Variants in NRXN1 observed in about 807,000 individuals in gnomAD.
NRXN1 encodes neurexin-1.
NRXN1 carries 39 observed loss-of-function variants against 150.9 expected under a neutral mutation model. The ratio of observed to expected loss-of-function variants is 0.26; its 90% CI spans 0.20 to 0.34. The LOEUF is 0.34. Ranked by LOEUF, NRXN1 falls within the 10% of genes least tolerant of loss-of-function variation. The pLI is 1.00. For synonymous variants in NRXN1, 924 were observed against 757.0 expected (o/e 1.22, Z -3.62); for missense variants, 1,815 against 1,949.9 (o/e 0.93, Z 1.30).
intron 2 of NRXN1, among the ~76,000 whole-genome samples, chr2:51,025,188 C>T (rs1243974572): frequency 1.3e-5 from 2 of 152,088 alleles, no homozygotes; most frequent in Non-Finnish European, 2.9e-5. Context: ...TTTTGCACTC[C>T]ATTTTCAGTT....
chr2:50,564,205 T>A (rs529840320), intron 8 of NRXN1, among the ~76,000 whole-genome samples: 4 of 152,342 alleles, frequency 2.6e-5, no homozygotes, highest in African/African-American at 9.6e-5. Flanking sequence ...TTATGAAAAC[T>A]TATTTTGCAA....
chr2:50,426,250 C>A (rs1052857895), intron 17 of NRXN1, among the ~76,000 whole-genome samples: 28 of 152,100 alleles, frequency 1.8e-4, no homozygotes, highest in African/African-American at 6.5e-4. Flanking sequence ...ACCGTGAATG[C>A]CACCAATTGT....
intron 21 of NRXN1, among the ~76,000 whole-genome samples, chr2:49,972,141 G>C (rs982837527): frequency 2.0e-5 from 3 of 152,124 alleles, no homozygotes; most frequent in Non-Finnish European, 4.4e-5. Context: ...GGTTCAACTA[G>C]AATTTTGTAA....
Position 50,053,253 on chromosome 2 carries a change from T to C in NRXN1, c.4128+18A>G, listed in dbSNP as rs941727402. ...ATAATATAGGATGAAAATGAAGGAATAAAATCCACAGGCTCACCTGGCTAA... is the reference window on the plus strand; with the variant it reads ...ATAATATAGGATGAAAATGAAGGAACAAAATCCACAGGCTCACCTGGCTAA... On this transcript the variant is annotated intron_variant, in intron 21 of 22. Transcript: ENST00000401669. 2.5e-6 allele frequency: 4 copies of C among 1,611,852 alleles called. No homozygotes were observed. The highest frequency in any genetic ancestry group is 3.4e-6 in the Non-Finnish European group (4 of 1,178,154).
At chr2:50,555,505 T>C in intron 8 of NRXN1, among the ~76,000 whole-genome samples, 1 of 152,090 alleles carries the variant, frequency 6.6e-6, no homozygotes, top group East Asian at 1.9e-4. Context: ...TAGCCATGCA[T>C]CTCTCATAAA....
chr2:50,015,473 T>A (rs918640992), intron 21 of NRXN1, among the ~76,000 whole-genome samples: 2 of 123,980 alleles, frequency 1.6e-5, no homozygotes, highest in Non-Finnish European at 3.2e-5. Flanking sequence ...TTATAAATGG[T>A]CACAGCCTGT....
chr2:50,294,681 C>T (rs947695472), intron 17 of NRXN1, among the ~76,000 whole-genome samples: 1 of 152,020 alleles, frequency 6.6e-6, no homozygotes, highest in African/African-American at 2.4e-5. Context: ...TTGATCCAAC[C>T]CTGAAGGATG....
At chr2:50,412,250 C>T (rs2104102702) in intron 17 of NRXN1, among the ~76,000 whole-genome samples, 1 of 152,098 alleles carries the variant, frequency 6.6e-6, no homozygotes, top group Admixed American at 6.5e-5. Flanking sequence ...CTTCCCTCCA[C>T]TATTGTCCTA....
intron 5 of NRXN1, among the ~76,000 whole-genome samples, chr2:50,817,776 A>T (rs1363823123): frequency 6.6e-6 from 1 of 152,062 alleles, no homozygotes; most frequent in Non-Finnish European, 1.5e-5. Flanking sequence ...TGCAGGGGGT[A>T]AAAAAGTATT....
In NRXN1 at chr2:50,014,482, A is replaced by G. The variant is rs139396904; in HGVS notation, c.4128+38789T>C. On this transcript the variant is annotated intron_variant, in intron 21 of 22. Coordinates refer to ENST00000401669, the MANE Select transcript of NRXN1 (RefSeq NM_001330078.2). ...ATGGTTAGCAGCATCCTTGACTTCT[A>G]TTCACCAGATGCCAGTAATCACACC... Among the ~76,000 whole-genome samples the G allele has an allele frequency of 3.9e-5, 6 of 152,192 alleles. No homozygotes were observed. In the East Asian group the frequency reaches 7.8e-4, roughly 20 times the overall value.
At position 49,945,977 on chromosome 2, in the gene NRXN1, T is replaced by C. The variant is rs188764172; in HGVS notation, c.4129-2186A>G. On this transcript the variant is annotated intron_variant, in intron 21 of 22. Coordinates refer to ENST00000401669, the MANE Select transcript of NRXN1 (RefSeq NM_001330078.2). ...GGAATCACCACACTGTCTTCCACAA[T>C]GGTTGAACTAATTTACACTCCCACC... Among the ~76,000 whole-genome samples, 763 of 152,288 alleles carry C rather than the reference T, an allele frequency of 5.0e-3. 4 individuals carry two copies. The highest frequency in any genetic ancestry group is 0.018 in the African/African-American group (738 of 41,558).
intron 18 of NRXN1, 96 bp from the exon 19 acceptor site, chr2:50,091,590 G>A: frequency 7.9e-7 from 1 of 1,269,802 alleles, no homozygotes; most frequent in East Asian, 2.4e-5. Flanking sequence ...ATGTGCTTTG[G>A]ACAACAGCTG....
At chr2:50,688,396 C>T (rs779793986) in intron 5 of NRXN1, among the ~76,000 whole-genome samples, 3 of 152,128 alleles carry the variant, frequency 2.0e-5, no homozygotes, top group African/African-American at 2.4e-5. Context: ...CCCTACAGAG[C>T]CCTCCTTATA....
intron 17 of NRXN1, among the ~76,000 whole-genome samples, chr2:50,351,624 T>C (rs2078419467): frequency 6.6e-6 from 1 of 152,136 alleles, no homozygotes; most frequent in Non-Finnish European, 1.5e-5. Context: ...CCCTTTATTA[T>C]GAGGAATGGT....
At chr2:50,075,401 T>C (rs1177231869) in intron 19 of NRXN1, among the ~76,000 whole-genome samples, 1 of 152,200 alleles carries the variant, frequency 6.6e-6, no homozygotes, top group African/African-American at 2.4e-5. Context: ...GGCCCAATTG[T>C]GTAAAAAGCC....
chr2:50,394,220 T>C (rs1381323304), intron 17 of NRXN1, among the ~76,000 whole-genome samples: 1 of 152,092 alleles, frequency 6.6e-6, no homozygotes, highest in African/African-American at 2.4e-5. Flanking sequence ...CTATATGTGA[T>C]GATGCTTATG....
At chr2:50,094,125 T>C (rs779916382) in intron 18 of NRXN1, among the ~76,000 whole-genome samples, 72 of 152,354 alleles carry the variant, frequency 4.7e-4, no homozygotes, top group Non-Finnish European at 5.4e-4. Flanking sequence ...TATGTGGATA[T>C]AATAGAATAT....
intron 17 of NRXN1, among the ~76,000 whole-genome samples, chr2:50,379,862 T>C (rs1050177852): frequency 6.6e-6 from 1 of 152,160 alleles, no homozygotes; most frequent in African/African-American, 2.4e-5. Flanking sequence ...TTCTACCATA[T>C]TGTGTTTAGT....
intron 2 of NRXN1, among the ~76,000 whole-genome samples, chr2:50,970,105 G>C (rs1227142302): frequency 6.6e-6 from 1 of 152,026 alleles, no homozygotes; most frequent in African/African-American, 2.4e-5. Flanking sequence ...GTCAAACAAG[G>C]TATATCAGAT....
Sources: allele counts gnomAD v4.1 joint callset (sites outside exome capture counted in the v4.1 genomes callset), GRCh38; gene constraint gnomAD v4.1.1; transcripts MANE v1.5; gene names NCBI Gene and HGNC (gene_info 2026-07-23, HGNC 2026-07-21).